ARHGAP8: variants seen among roughly 807,000 people sequenced by gnomAD.
ARHGAP8 encodes the protein rho GTPase-activating protein 8.
ARHGAP8 carries 62 observed loss-of-function variants against 46.1 expected under a neutral mutation model. The observed-to-expected ratio is 1.34, with a 90% CI of 1.10 to 1.66. ARHGAP8 has a LOEUF of 1.66. Among genes scored for constraint, ARHGAP8 ranks in the 40% most tolerant of loss-of-function variants. ARHGAP8 has a pLI of 0.00. For missense variants in ARHGAP8, 923 were observed against 568.4 expected, an observed-to-expected ratio of 1.62 and a Z score of -6.34; for synonymous variants, 375 against 243.1, an observed-to-expected ratio of 1.54 and a Z score of -5.05.
At chr22:44,841,334 C>A (rs1462659084) in intron 7 of ARHGAP8, among the ~76,000 whole-genome samples, 1 of 152,080 alleles carries the variant, frequency 6.6e-6, no homozygotes, top group African/African-American at 2.4e-5. Context: ...GTGCTGGGGT[C>A]CATTCTCATT....
At chr22:44,786,259 C>CTGGGTGCTCGGCTGAGGGAGGGCGCATAG (rs1569144117) in intron 1 of ARHGAP8, among the ~76,000 whole-genome samples, 198 bp from the exon 2 acceptor site, 8 of 141,040 alleles carry the variant, frequency 5.7e-5, no homozygotes, top group South Asian at 2.3e-4. Context: ...AGGGCGCGTA[C>CTGGGTGCTCGGCTGAGGGAGGGCGCATAG]TGGGTGCTCG....
In ARHGAP8 at chr22:44,849,001, G is replaced by T. The variant is rs373604411; in HGVS notation, c.818G>T (p.Arg273Leu). 6.2e-6 allele frequency: 10 copies of T among 1,614,112 alleles called. No homozygotes were observed. Among genetic ancestry groups the T allele is most frequent in the Non-Finnish European group, 7.6e-6 (9 of 1,180,044 alleles). The change falls in exon 10 of 12, where the codon CGA becomes CTA. Residue 273 changes from arginine to leucine, a missense_variant. Transcript: ENST00000356099. The part of the protein sequence containing the change: ...IPAVILKTFL[R>L]ELPQPLLTFQ... ...GCCGTGATCCTGAAGACCTTCCTGC[G>T]AGAGCTGCCCCAGCCGCTTCTGACC...
At chr22:44,763,740 A>G (rs1283142213) in intron 1 of ARHGAP8, among the ~76,000 whole-genome samples, 1 of 151,404 alleles carries the variant, frequency 6.6e-6, no homozygotes, top group Non-Finnish European at 1.5e-5. Flanking sequence ...AGGCAATTGC[A>G]CTTCCACCAG....
chr22:44,862,687 G>A lies in ARHGAP8; in HGVS notation c.*92G>A, dbSNP rs2147215845. On this transcript the variant is annotated 3_prime_UTR_variant, in exon 12 of 12. Coordinates refer to ENST00000356099, the MANE Select transcript of ARHGAP8 (RefSeq NM_181335.3). The stretch of plus-strand genomic sequence containing the variant: ...AACTTGGCATCTGTAAAAATAACCA[G>A]CCATTAGATGAATTCAGAACCTTCT... 7.1e-7 allele frequency: 1 copy of A among 1,413,892 alleles called. No homozygotes were observed. Among genetic ancestry groups the A allele is most frequent in the East Asian group, 2.4e-5 (1 of 41,356 alleles). 87.6% of individuals were successfully genotyped at this position (1,413,892 alleles called of 1,614,324 possible). A position where few individuals can be genotyped will look rare whatever the true frequency, so the allele number is the denominator to read the frequency against.
At chr22:44,756,730 C>G (rs1490879345) in intron 1 of ARHGAP8, among the ~76,000 whole-genome samples, 2 of 151,776 alleles carry the variant, frequency 1.3e-5, no homozygotes, top group South Asian at 2.1e-4. Context: ...AATCCCTTTT[C>G]TAAAAAATTA....
At chr22:44,809,381 C>T in intron 4 of ARHGAP8, 2 of 360,640 alleles carry the variant, frequency 5.5e-6, no homozygotes, top group East Asian at 7.4e-5. Flanking sequence ...CCCATTCTCC[C>T]ACCCCTGGTC....
rs144295598 is a variant in ARHGAP8, at chr22:44,768,291, G to A, written c.-72+15664G>A. ...ATTACAGGCGTGAGCCACCGCGTGC[G>A]GCCTCATTTCTTTTTTTGTTGTTTT... On this transcript the variant is annotated intron_variant, in intron 1 of 11. Transcript: ENST00000356099. Among the ~76,000 whole-genome samples, 760 of 151,234 alleles carry A rather than the reference G, an allele frequency of 5.0e-3. 5 individuals carry two copies. The highest frequency in any genetic ancestry group is 7.2e-3 in the Non-Finnish European group (485 of 67,820).
chr22:44,849,083 G>C (rs1217603123), intron 10 of ARHGAP8, 23 bp downstream of exon 10: 1 of 1,612,840 alleles, frequency 6.2e-7, no homozygotes, highest in Non-Finnish European at 8.5e-7. Context: ...CCTGGCGCAG[G>C]GGTGGGGGGC....
intron 4 of ARHGAP8, chr22:44,808,823 CCAAAAA>C (rs1337123427): frequency 6.5e-6 from 2 of 310,046 alleles, no homozygotes; most frequent in Non-Finnish European, 1.2e-5. Context: ...AAAAAAAAAA[CCAAAAA>C]CAAAAACAGA....
chr22:44,809,427 GT>G (rs979657603), intron 4 of ARHGAP8: 12 of 350,144 alleles, frequency 3.4e-5, no homozygotes, highest in African/African-American at 2.6e-4. Context: ...CTGCATGACC[GT>G]TTCTTCACTA....
chr22:44,860,727 A>G (rs1369006155), intron 11 of ARHGAP8, among the ~76,000 whole-genome samples: 3 of 150,636 alleles, frequency 2.0e-5, no homozygotes, highest in African/African-American at 7.4e-5. Flanking sequence ...TGGGGCAGGG[A>G]TCCATTTGGA....
chr22:44,769,164 C>T (rs1471059201), intron 1 of ARHGAP8, among the ~76,000 whole-genome samples: 1 of 152,190 alleles, frequency 6.6e-6, no homozygotes, highest in Non-Finnish European at 1.5e-5. Context: ...GTGTTTTTCC[C>T]TTTGAGCAGC....
rs577407527 is a variant in ARHGAP8, at chr22:44,839,525, C to A, written c.597-5744C>A. Among the ~76,000 whole-genome samples the A allele has an allele frequency of 2.2e-4, 33 of 152,268 alleles. No individual in the cohort carries two copies. The South Asian group carries it at 6.6e-3, about 31-fold the overall frequency. On this transcript the variant is annotated intron_variant, in intron 7 of 11. Transcript: ENST00000356099. Reference sequence around the variant, plus strand: ...AAATCATCTGACATAGAGACGTTCCCAGGGGGCCGTGGAGCCCAGCAGGAG... The same window carrying A: ...AAATCATCTGACATAGAGACGTTCCAAGGGGGCCGTGGAGCCCAGCAGGAG...
At chr22:44,774,522 T>TG (rs1180854029) in intron 1 of ARHGAP8, among the ~76,000 whole-genome samples, 3 of 149,790 alleles carry the variant, frequency 2.0e-5, no homozygotes, top group Admixed American at 1.3e-4. Context: ...TGGGAGATTT[T>TG]TTTTTTTTTT....
chr22:44,850,918 C>T (rs1322467891), intron 10 of ARHGAP8: 1 of 139,652 alleles, frequency 7.2e-6, no homozygotes, highest in Non-Finnish European at 1.5e-5. Context: ...GAGCCAGGAT[C>T]GTGCCATTGC....
chr22:44,838,201 G>A (rs903643249), intron 7 of ARHGAP8, among the ~76,000 whole-genome samples: 4 of 150,082 alleles, frequency 2.7e-5, no homozygotes, highest in African/African-American at 9.8e-5. Flanking sequence ...GTGATGGCAC[G>A]ATCTTGGCTC....
chr22:44,773,973 G>A (rs1462787073), intron 1 of ARHGAP8, among the ~76,000 whole-genome samples: 2 of 152,198 alleles, frequency 1.3e-5, no homozygotes, highest in South Asian at 4.1e-4. Flanking sequence ...GTACCATGCT[G>A]GGCAATTGAC....
chr22:44,857,410 C>A (rs1277074576), intron 10 of ARHGAP8, among the ~76,000 whole-genome samples: 4 of 152,072 alleles, frequency 2.6e-5, no homozygotes, highest in African/African-American at 2.4e-5. Context: ...TTGGTGGGGG[C>A]CCTGTTGCTT....
chr22:44,773,979 T>C (rs1393583740), intron 1 of ARHGAP8, among the ~76,000 whole-genome samples: 1 of 152,226 alleles, frequency 6.6e-6, no homozygotes, highest in Non-Finnish European at 1.5e-5. Flanking sequence ...TGCTGGGCAA[T>C]TGACTGCATT....
Sources: allele counts gnomAD v4.1 joint callset (sites outside exome capture counted in the v4.1 genomes callset), GRCh38; gene constraint gnomAD v4.1.1; transcripts MANE v1.5; gene names NCBI Gene and HGNC (gene_info 2026-07-23, HGNC 2026-07-21).